The following SAMD4B variants were observed in gnomAD, a reference collection of about 807,000 sequenced individuals.
SAMD4B encodes protein Smaug homolog 2.
SAMD4B carries 5 observed loss-of-function variants against 74.5 expected under a neutral mutation model. That is an observed-to-expected ratio of 0.07 (90% CI 0.04 to 0.14). SAMD4B has a LOEUF of 0.14. SAMD4B is among the 10% of genes least tolerant of loss of function. The pLI is 1.00. For missense variants in SAMD4B, 608 were observed against 921.8 expected, an observed-to-expected ratio of 0.66 and a Z score of 4.41; for synonymous variants, 373 against 374.9, an observed-to-expected ratio of 1.00 and a Z score of 0.06.
chr19:39,390,653 C>T (rs2078360040), downstream of SAMD4B, among the ~76,000 whole-genome samples: 1 of 152,180 alleles, frequency 6.6e-6, no homozygotes, highest in African/African-American at 2.4e-5. Flanking sequence ...CTGAACTGCA[C>T]GGCGGGGAGG....
intron 9 of SAMD4B, among the ~76,000 whole-genome samples, chr19:39,379,342 C>T (rs2145836164): frequency 6.6e-6 from 1 of 152,318 alleles, no homozygotes. Flanking sequence ...CTTTCCTCCT[C>T]CTCACCCCTC....
chr19:39,366,605 C>G (rs912222718), intron 3 of SAMD4B, among the ~76,000 whole-genome samples: 9 of 152,180 alleles, frequency 5.9e-5, no homozygotes, highest in East Asian at 1.9e-4. Flanking sequence ...AGGCTACAAA[C>G]TTAAGCAGAA....
downstream of SAMD4B, chr19:39,388,752 G>C: frequency 6.2e-7 from 1 of 1,611,426 alleles, no homozygotes; most frequent in Non-Finnish European, 8.5e-7. Context: ...TGGACAGCAG[G>C]ACCACCTACC....
intron 1 of SAMD4B, among the ~76,000 whole-genome samples, chr19:39,345,685 C>A (rs1212480950): frequency 6.6e-6 from 1 of 152,150 alleles, no homozygotes; most frequent in African/African-American, 2.4e-5. Context: ...TCTGAAAGTA[C>A]GGGATGTGTC....
chr19:39,388,881 C>T (rs1045949665), downstream of SAMD4B: 9 of 1,611,944 alleles, frequency 5.6e-6, no homozygotes, highest in Non-Finnish European at 6.8e-6. Context: ...GAGATGGAGG[C>T]ACTGGGGTTA....
chr19:39,367,897 A>G (rs1233463908), intron 3 of SAMD4B, among the ~76,000 whole-genome samples: 1 of 151,194 alleles, frequency 6.6e-6, no homozygotes, highest in African/African-American at 2.4e-5. Flanking sequence ...CCATATTCTT[A>G]GGGACCTCCC....
intron 1 of SAMD4B, among the ~76,000 whole-genome samples, chr19:39,346,304 T>C (rs929341632): frequency 6.6e-6 from 1 of 151,960 alleles, no homozygotes; most frequent in Non-Finnish European, 1.5e-5. Context: ...TCCATGGGAG[T>C]TGGGACAATG....
At chr19:39,366,902 C>T (rs2076993218) in intron 3 of SAMD4B, among the ~76,000 whole-genome samples, 1 of 152,130 alleles carries the variant, frequency 6.6e-6, no homozygotes, top group African/African-American at 2.4e-5. Flanking sequence ...TCTTGGTTTC[C>T]TGGGCCCAGA....
At chr19:39,343,550 GTC>G (rs1382300340) in intron 1 of SAMD4B, among the ~76,000 whole-genome samples, 2 of 130,690 alleles carry the variant, frequency 1.5e-5, no homozygotes, top group Non-Finnish European at 3.2e-5. Flanking sequence ...GATCCCAAAA[GTC>G]TCCCCCAGAG....
At chr19:39,381,281 C>T in intron 12 of SAMD4B, 168 bp downstream of exon 12, 1 of 747,816 alleles carries the variant, frequency 1.3e-6, no homozygotes, top group South Asian at 2.2e-5. Flanking sequence ...TTGTTTTCCT[C>T]CTCTGCTTCA....
At chr19:39,388,513 A>G, downstream of SAMD4B, 2 of 1,612,828 alleles carry the variant, frequency 1.2e-6, no homozygotes, top group South Asian at 1.1e-5. Context: ...CCCTATCCCA[A>G]TCCCCAAAAC....
intron 1 of SAMD4B, among the ~76,000 whole-genome samples, chr19:39,353,382 CCT>C (rs950902312): frequency 1.4e-4 from 21 of 152,134 alleles, no homozygotes; most frequent in Admixed American, 5.2e-4. Context: ...TAATAATCCC[CCT>C]GTTTCTCCAA....
chr19:39,362,693 A>G (rs752465613), intron 3 of SAMD4B, among the ~76,000 whole-genome samples: 2 of 152,126 alleles, frequency 1.3e-5, no homozygotes, highest in Admixed American at 6.5e-5. Flanking sequence ...TCCTATGGAC[A>G]GGAGGAAGGA....
At chr19:39,372,241 C>T (rs36265) in intron 4 of SAMD4B, among the ~76,000 whole-genome samples, 92,569 of 152,006 alleles carry the variant, frequency 0.61, 31,260 homozygotes, top group African/African-American at 0.9. Flanking sequence ...GGGGTGGATT[C>T]GAATGAGTAA....
At chr19:39,368,863 C>CCT (rs1030590051) in intron 3 of SAMD4B, among the ~76,000 whole-genome samples, 1 of 152,160 alleles carries the variant, frequency 6.6e-6, no homozygotes, top group African/African-American at 2.4e-5. Flanking sequence ...AGGTAGCTTA[C>CCT]CAAGATCTAG....
At chr19:39,387,634 G>A (rs1352698586), downstream of SAMD4B, among the ~76,000 whole-genome samples, 1 of 152,190 alleles carries the variant, frequency 6.6e-6, no homozygotes, top group African/African-American at 2.4e-5. Context: ...TACACCAGAG[G>A]TGCTGGCATA....
At chr19:39,347,351 A>G (rs1278248639) in intron 1 of SAMD4B, among the ~76,000 whole-genome samples, 1 of 152,224 alleles carries the variant, frequency 6.6e-6, no homozygotes, top group African/African-American at 2.4e-5. Context: ...ATTATGCCAG[A>G]AGATCCTTAG....
intron 3 of SAMD4B, among the ~76,000 whole-genome samples, chr19:39,364,177 T>C (rs2076816491): frequency 6.6e-6 from 1 of 152,240 alleles, no homozygotes; most frequent in African/African-American, 2.4e-5. Flanking sequence ...TGTTCTGTCA[T>C]GTCCCCTGGC....
intron 1 of SAMD4B, among the ~76,000 whole-genome samples, chr19:39,345,641 G>A (rs1006404051): frequency 2.0e-5 from 3 of 152,138 alleles, no homozygotes; most frequent in Non-Finnish European, 2.9e-5. Flanking sequence ...AGATTTTAAT[G>A]TACTTGTCCA....
Sources: allele counts gnomAD v4.1 joint callset (sites outside exome capture counted in the v4.1 genomes callset), GRCh38; gene constraint gnomAD v4.1.1; transcripts MANE v1.5; gene names NCBI Gene and HGNC (gene_info 2026-07-23, HGNC 2026-07-21).